DCN: variants seen among roughly 807,000 people sequenced by gnomAD.
DCN encodes the protein bone proteoglycan II.
A neutral mutation model predicts 36.5 loss-of-function variants in DCN; 17 were observed. That is an observed-to-expected ratio of 0.47 (90% CI 0.32 to 0.70). The LOEUF is 0.70. DCN is among the 30% of genes least tolerant of loss of function. The probability of loss-of-function intolerance (pLI) is 0.04; values close to 1 mark genes in which losing one functional copy is unlikely to be tolerated. For missense variants in DCN, 389 were observed against 430.1 expected (o/e 0.90, Z 0.84); for synonymous variants, 163 against 161.4 (o/e 1.01, Z -0.07).
intron 3 of DCN, among the ~76,000 whole-genome samples, chr12:91,163,336 T>C (rs1369958838): frequency 6.6e-6 from 1 of 152,230 alleles, no homozygotes; most frequent in African/African-American, 2.4e-5. Context: ...TTTTTGGCCC[T>C]TCTTCAAGTC....
intron 1 of DCN, chr12:91,180,336 G>C (rs1264213029): frequency 6.9e-6 from 1 of 145,810 alleles, no homozygotes; most frequent in African/African-American, 2.5e-5. Context: ...AAGGAAGAAA[G>C]AAAAGGAAAG....
At position 91,164,815 on chromosome 12, in the gene DCN, T is replaced by A; in HGVS notation, c.212-98A>T. The A allele has an allele frequency of 5.4e-6, 4 of 738,102 alleles. No homozygotes were observed. In the Admixed American group the frequency reaches 7.9e-5, roughly 15 times the overall value. The allele number at this position is 738,102 out of a possible 1,614,324, so 45.7% of individuals were successfully genotyped here. Reference sequence around the variant, plus strand: ...TACCAAGAAATTAATGTTATGATGATCATCTTAACAGTAACAACATATTTT... The same window carrying A: ...TACCAAGAAATTAATGTTATGATGAACATCTTAACAGTAACAACATATTTT... On this transcript the variant is annotated intron_variant, in intron 2 of 7. Transcript: ENST00000052754.
chr12:91,176,769 A>C (rs1010114462), intron 2 of DCN: 3 of 152,230 alleles, frequency 2.0e-5, no homozygotes, highest in Non-Finnish European at 4.4e-5. Context: ...TTTTTCTCAG[A>C]GGCAAAGTGA....
intron 7 of DCN, among the ~76,000 whole-genome samples, chr12:91,148,481 G>T: frequency 6.6e-6 from 1 of 151,838 alleles, no homozygotes; most frequent in Non-Finnish European, 1.5e-5. Flanking sequence ...ACTTTGGGAG[G>T]CCGAGGCGGA....
intron 2 of DCN, chr12:91,172,769 C>A (rs1274052049): frequency 2.9e-6 from 2 of 700,126 alleles, no homozygotes; most frequent in Non-Finnish European, 5.2e-6. Flanking sequence ...TTCGTGTATT[C>A]ATTCATCAAT....
intron 2 of DCN, among the ~76,000 whole-genome samples, chr12:91,174,215 A>AT (rs1170263190): frequency 1.3e-5 from 2 of 151,724 alleles, no homozygotes; most frequent in Admixed American, 1.3e-4. Context: ...TAAATGCACA[A>AT]TTTTTTTTGT....
chr12:91,153,426 C>A (rs564954959), intron 5 of DCN, among the ~76,000 whole-genome samples: 3 of 152,032 alleles, frequency 2.0e-5, no homozygotes, highest in South Asian at 4.1e-4. Flanking sequence ...TGGATGATTT[C>A]TATCATGTAG....
chr12:91,171,718 G>T (rs1882969849), intron 2 of DCN, among the ~76,000 whole-genome samples: 1 of 152,206 alleles, frequency 6.6e-6, no homozygotes, highest in African/African-American at 2.4e-5. Context: ...GAGTGAACAG[G>T]TGTCCAGCCC....
Position 91,178,480 on chromosome 12 carries a change from A to G in DCN, c.73T>C (p.Phe25Leu). ...WAGPFQQRGLFDFMLEDEASG... is the reference protein window; with the variant it reads ...WAGPFQQRGLLDFMLEDEASG... ...GCCTCATCTTCTAGCATAAAGTCAA[A>G]TAAGCCTCTCTGTTGAAACGGTCCA... The change falls in exon 2 of 8, where the codon TTT (phenylalanine) becomes CTT (leucine). Residue 25 changes from phenylalanine (F) to leucine (L), a missense_variant. Physicochemically the swap from Phe to Leu is conservative, Grantham distance 22. Coordinates refer to ENST00000052754, the MANE Select transcript of DCN (RefSeq NM_001920.5). 6.2e-7 allele frequency: 1 copy of G among 1,613,804 alleles called. No homozygotes were observed. The highest frequency in any genetic ancestry group is 1.1e-5 in the South Asian group (1 of 91,072).
Position 91,151,836 on chromosome 12 carries a change from G to T in DCN, c.747-44C>A, listed in dbSNP as rs761373973. 5 of 1,611,104 alleles carry T rather than the reference G, an allele frequency of 3.1e-6. No homozygotes were observed. The Admixed American group carries it at 8.3e-5, about 27-fold the overall frequency. Reference sequence around the variant, plus strand: ...ATGAAAGCAAACACCACACATGGATGCCTTTCTTACAAGCATTGTGTAGTT... The same window carrying T: ...ATGAAAGCAAACACCACACATGGATTCCTTTCTTACAAGCATTGTGTAGTT... On this transcript the variant is annotated intron_variant, in intron 6 of 7. Transcript: ENST00000052754.
At chr12:91,149,880 T>A (rs760731743) in intron 7 of DCN, among the ~76,000 whole-genome samples, 7 of 152,086 alleles carry the variant, frequency 4.6e-5, no homozygotes, top group Non-Finnish European at 8.8e-5. Context: ...TTGCAAGGCA[T>A]GTATGCTAAA....
At chr12:91,149,699 A>G (rs930448230) in intron 7 of DCN, among the ~76,000 whole-genome samples, 1 of 152,226 alleles carries the variant, frequency 6.6e-6, no homozygotes, top group Non-Finnish European at 1.5e-5. Context: ...TAGAATATCC[A>G]AAGGAACTCA....
chr12:91,158,412 A>T lies in DCN; in HGVS notation c.422T>A (p.Leu141Gln). The change falls in exon 4 of 8, where the codon CTG becomes CAG. Residue 141 changes from leucine (L) to glutamine (Q), a missense_variant. Leu to Gln is a moderately radical substitution (Grantham distance 113, BLOSUM62 -2). Coordinates refer to ENST00000052754, the MANE Select transcript of DCN (RefSeq NM_001920.5). Reference protein sequence around the residue: ...LERLYLSKNQLKELPEKMPKT... With the variant: ...LERLYLSKNQQKELPEKMPKT... ...GGGCATTTTTTCTGGCAATTCCTTC[A>T]GCTGATTCTTGGACAGATAAAGTCG... is the stretch of plus-strand genomic sequence containing the variant. The T allele has an allele frequency of 6.2e-7, 1 of 1,610,764 alleles. No homozygotes were observed. Among genetic ancestry groups the T allele is most frequent in the Non-Finnish European group, 8.5e-7 (1 of 1,176,912 alleles).
intron 7 of DCN, among the ~76,000 whole-genome samples, chr12:91,146,770 A>G (rs2121132273): frequency 6.6e-6 from 1 of 152,296 alleles, no homozygotes; most frequent in East Asian, 1.9e-4. Context: ...TTGCATGCCA[A>G]TCATTTCAGA....
rs554047535 is a variant in DCN, at chr12:91,145,398, G to A, written c.*660C>T. ...CATAAGTTACCATACTCAAATGTAA[G>A]ATAGGGAGAGGTAGAAGAAATAGCT... On this transcript the variant is annotated 3_prime_UTR_variant, in exon 8 of 8. Transcript: ENST00000052754. The A allele has an allele frequency of 6.5e-6, 1 of 154,888 alleles. No individual in the cohort carries two copies. Among genetic ancestry groups the A allele is most frequent in the Non-Finnish European group, 1.4e-5 (1 of 69,508 alleles). 9.6% of individuals were successfully genotyped at this position (154,888 alleles called of 1,614,324 possible). A position where few individuals can be genotyped will look rare whatever the true frequency, so the allele number is the denominator to read the frequency against.
rs574365674 is a variant in DCN, at chr12:91,141,763, T to A, written c.*4295A>T. The A allele has an allele frequency of 6.6e-6, 1 of 152,314 alleles. No individual in the cohort carries two copies. Among genetic ancestry groups the A allele is most frequent in the South Asian group, 2.1e-4 (1 of 4,826 alleles). 9.4% of individuals were successfully genotyped at this position (152,314 alleles called of 1,614,324 possible). ...TTCCTGATGGCCTGGAAGCATTCAT[T>A]CAGCCCTCACAGTCACTGCAGAATG... On this transcript the variant is annotated 3_prime_UTR_variant, in exon 8 of 8. Transcript: ENST00000052754.
intron 5 of DCN, among the ~76,000 whole-genome samples, chr12:91,156,571 A>G (rs1327502598): frequency 1.3e-5 from 2 of 152,104 alleles, no homozygotes; most frequent in Admixed American, 6.5e-5. Flanking sequence ...TCTTCACAAC[A>G]CACAACTACC....
At chr12:91,164,525 C>A in intron 3 of DCN, 80 bp downstream of exon 3, 2 of 649,928 alleles carry the variant, frequency 3.1e-6, no homozygotes, top group Non-Finnish European at 2.8e-6. Flanking sequence ...GTACATAGTA[C>A]TCTTGGCCTT....
chr12:91,157,721 C>T (rs1201655081), intron 4 of DCN, among the ~76,000 whole-genome samples: 1 of 152,012 alleles, frequency 6.6e-6, no homozygotes, highest in South Asian at 2.1e-4. Context: ...CTCCGCCTCC[C>T]GGGTTCACGC....
Sources: gnomAD v4.1 joint callset for allele counts (sites outside exome capture counted in the v4.1 genomes callset) on GRCh38, gnomAD v4.1.1 for gene constraint, MANE v1.5 for transcripts, NCBI Gene and HGNC (gene_info 2026-07-23, HGNC 2026-07-21) for gene names.